Variants in OCA2 observed in about 807,000 individuals in gnomAD.
The protein encoded by OCA2 is P protein.
OCA2 carries 77 observed loss-of-function variants against 100.2 expected under a neutral mutation model. That is an observed-to-expected ratio of 0.77 (90% CI 0.64 to 0.93). The LOEUF (loss-of-function observed/expected upper bound fraction) is 0.93, where lower values mean the gene tolerates loss of function less well. Ranked by LOEUF, OCA2 falls within the 40% of genes least tolerant of loss-of-function variation. OCA2 has a pLI of 0.00. For missense variants in OCA2, 1,062 were observed against 1,089.1 expected, an observed-to-expected ratio of 0.98 and a Z score of 0.35; for synonymous variants, 432 against 439.2, an observed-to-expected ratio of 0.98 and a Z score of 0.21.
chr15:27,748,451 G>A, the OCA2 span, among the ~76,000 whole-genome samples: 2 of 152,166 alleles, frequency 1.3e-5, no homozygotes, highest in East Asian at 3.9e-4. Flanking sequence ...CAATGATAAA[G>A]CAAGCAGACC....
intron 2 of OCA2, among the ~76,000 whole-genome samples, chr15:28,057,255 A>G (rs1266329726): frequency 1.3e-5 from 2 of 152,238 alleles, no homozygotes; most frequent in Non-Finnish European, 2.9e-5. Context: ...CAGTGCTTGT[A>G]GGTGATGGTC....
chr15:27,983,587 G>A (rs1015421453), intron 13 of OCA2, 104 bp from the exon 14 acceptor site: 35 of 1,197,824 alleles, frequency 2.9e-5, no homozygotes, highest in Admixed American at 1.2e-4. Flanking sequence ...TAAGGGAGGC[G>A]CGCACACACA....
At chr15:27,858,240 G>C (rs563193144) in intron 21 of OCA2, among the ~76,000 whole-genome samples, 2 of 152,188 alleles carry the variant, frequency 1.3e-5, no homozygotes, top group African/African-American at 4.8e-5. Flanking sequence ...CAGGTGTGGT[G>C]GTGGGCACCT....
At chr15:27,933,118 C>G (rs1442294985) in intron 18 of OCA2, among the ~76,000 whole-genome samples, 1 of 152,158 alleles carries the variant, frequency 6.6e-6, no homozygotes, top group Admixed American at 6.5e-5. Flanking sequence ...AACTGGATAT[C>G]TGCATGCAAA....
At chr15:27,799,201 G>A (rs2033481229) in intron 23 of OCA2, among the ~76,000 whole-genome samples, 2 of 152,192 alleles carry the variant, frequency 1.3e-5, no homozygotes, top group South Asian at 4.1e-4. Context: ...CTGCCCCACG[G>A]ACATTATCCA....
At chr15:27,971,803 A>G (rs1287888648) in intron 14 of OCA2, among the ~76,000 whole-genome samples, 6 of 151,874 alleles carry the variant, frequency 4.0e-5, no homozygotes, top group South Asian at 2.1e-4. Context: ...TCCAAACTAC[A>G]TAAGTATTCA....
Position 27,889,441 on chromosome 15 carries a change from C to T in OCA2, c.2080-17519G>A, listed in dbSNP as rs948772176. Among the ~76,000 whole-genome samples the T allele has an allele frequency of 3.9e-5, 6 of 152,172 alleles. No homozygotes were observed. The South Asian group carries it at 1.2e-3, about 32-fold the overall frequency. ...CATCCTGTCTGGACATGAAGAAAGG[C>T]CCCTGGGGCTCCACATGCCAAAAGG... On this transcript the variant is annotated intron_variant, in intron 19 of 23. Transcript: ENST00000354638.
intron 23 of OCA2, among the ~76,000 whole-genome samples, chr15:27,834,513 C>G (rs983199813): frequency 6.6e-6 from 1 of 152,148 alleles, no homozygotes; most frequent in South Asian, 2.1e-4. Flanking sequence ...GTTGCAGGAA[C>G]CCTGATTTGT....
chr15:27,765,046 T>G (rs529377260), intron 23 of OCA2, among the ~76,000 whole-genome samples: 1 of 152,210 alleles, frequency 6.6e-6, no homozygotes, highest in Admixed American at 6.5e-5. Flanking sequence ...TTCCTCCCAT[T>G]TTTAGACTGT....
intron 18 of OCA2, among the ~76,000 whole-genome samples, chr15:27,936,113 A>G (rs2039442239): frequency 6.6e-6 from 1 of 152,188 alleles, no homozygotes; most frequent in African/African-American, 2.4e-5. Context: ...ACCAAGTAAG[A>G]TCACAAATAA....
chr15:28,045,297 AATAT>A (rs779865968), intron 2 of OCA2, among the ~76,000 whole-genome samples: 7 of 152,248 alleles, frequency 4.6e-5, no homozygotes, highest in Non-Finnish European at 1.0e-4. Flanking sequence ...ATACAATAGG[AATAT>A]ATACATGTAT....
intron 23 of OCA2, among the ~76,000 whole-genome samples, chr15:27,766,003 T>C (rs1193216290): frequency 6.6e-6 from 1 of 152,186 alleles, no homozygotes; most frequent in East Asian, 1.9e-4. Flanking sequence ...CTCAGCCTCA[T>C]TTTAAGATGG....
At chr15:27,825,150 T>C (rs993705509) in intron 23 of OCA2, among the ~76,000 whole-genome samples, 1 of 152,202 alleles carries the variant, frequency 6.6e-6, no homozygotes, top group Non-Finnish European at 1.5e-5. Context: ...GATTGCTTGG[T>C]GAGTTGACTC....
intron 23 of OCA2, among the ~76,000 whole-genome samples, chr15:27,824,133 T>G (rs957506111): frequency 2.0e-5 from 3 of 152,192 alleles, no homozygotes; most frequent in East Asian, 1.9e-4. Context: ...TTTGGGAGGC[T>G]GAGGCCAGTG....
In OCA2 at chr15:27,990,560, G is replaced by A. The variant is rs373347079; in HGVS notation, c.1116+16C>T. The A allele has an allele frequency of 6.6e-5, 107 of 1,612,750 alleles. No homozygotes were observed. The highest frequency in any genetic ancestry group is 8.7e-5 in the Non-Finnish European group (102 of 1,179,014). ...CACTGAGTGGTAAGCCAGGGATTGG[G>A]ACTGTGACAACTTACATCGCCAATC... On this transcript the variant is annotated intron_variant, in intron 10 of 23. Coordinates refer to ENST00000354638, the MANE Select transcript of OCA2 (RefSeq NM_000275.3).
chr15:27,845,215 G>A (rs1048814368), intron 22 of OCA2, among the ~76,000 whole-genome samples, 163 bp from the exon 23 acceptor site: 2 of 151,992 alleles, frequency 1.3e-5, no homozygotes, highest in Admixed American at 6.6e-5. Flanking sequence ...ACACACGCAA[G>A]CAAGCAAAAA....
the OCA2 span, among the ~76,000 whole-genome samples, chr15:27,724,043 C>T: frequency 1.3e-5 from 2 of 152,132 alleles, no homozygotes; most frequent in Admixed American, 6.5e-5. Flanking sequence ...TCATGAACCA[C>T]GTGACTTGGA....
intron 2 of OCA2, among the ~76,000 whole-genome samples, chr15:28,056,512 T>G (rs1204106058): frequency 6.6e-6 from 1 of 152,230 alleles, no homozygotes; most frequent in Non-Finnish European, 1.5e-5. Flanking sequence ...TTGCCCTCCC[T>G]GCTCAGGGAC....
chr15:27,817,054 A>G (rs2034330021), intron 23 of OCA2, among the ~76,000 whole-genome samples: 1 of 152,100 alleles, frequency 6.6e-6, no homozygotes, highest in African/African-American at 2.4e-5. Context: ...AAGGCCAGCA[A>G]CCCAGGCCAT....
Sources: gnomAD v4.1 joint callset for allele counts (sites outside exome capture counted in the v4.1 genomes callset) on GRCh38, gnomAD v4.1.1 for gene constraint, MANE v1.5 for transcripts, NCBI Gene and HGNC (gene_info 2026-07-23, HGNC 2026-07-21) for gene names.